Variants in ADAMTSL3 observed in about 807,000 individuals in gnomAD.
ADAMTSL3 encodes the protein ADAMTS-like protein 3.
A neutral mutation model predicts 201.7 loss-of-function variants in ADAMTSL3; 128 were observed. That is an observed-to-expected ratio of 0.63 (90% CI 0.55 to 0.73). The LOEUF is 0.73. Ranked by LOEUF, ADAMTSL3 falls within the 30% of genes least tolerant of loss-of-function variation. The probability of loss-of-function intolerance (pLI) is 0.00; values close to 1 mark genes in which losing one functional copy is unlikely to be tolerated. For missense variants in ADAMTSL3, 1,990 were observed against 2,119.6 expected (o/e 0.94, Z 1.20); for synonymous variants, 738 against 748.4 (o/e 0.99, Z 0.23).
chr15:83,865,863 A>G (rs1340185911), intron 8 of ADAMTSL3, among the ~76,000 whole-genome samples: 3 of 152,224 alleles, frequency 2.0e-5, no homozygotes, highest in Non-Finnish European at 2.9e-5. Context: ...CAATCTACTC[A>G]TCTGACAAAG....
At chr15:83,950,681 A>G (rs2066740623) in intron 19 of ADAMTSL3, among the ~76,000 whole-genome samples, 1 of 151,948 alleles carries the variant, frequency 6.6e-6, no homozygotes, top group African/African-American at 2.4e-5. Context: ...AATTTCTTTC[A>G]TCAATGTTTT....
At chr15:83,957,721 G>T (rs901141791) in intron 19 of ADAMTSL3, among the ~76,000 whole-genome samples, 12 of 152,064 alleles carry the variant, frequency 7.9e-5, no homozygotes, top group Admixed American at 7.2e-4. Context: ...GAGAAAAATG[G>T]CTTATTTTAG....
intron 3 of ADAMTSL3, among the ~76,000 whole-genome samples, chr15:83,752,069 A>G (rs2062644916): frequency 6.6e-6 from 1 of 152,226 alleles, no homozygotes; most frequent in African/African-American, 2.4e-5. Flanking sequence ...TACTGATGCA[A>G]TTGAAGAAAA....
At chr15:83,952,887 T>C (rs933451973) in intron 19 of ADAMTSL3, among the ~76,000 whole-genome samples, 1 of 152,206 alleles carries the variant, frequency 6.6e-6, no homozygotes, top group Non-Finnish European at 1.5e-5. Context: ...TGACATTCTT[T>C]GCCTGTTCTT....
intron 2 of ADAMTSL3, 134 bp downstream of exon 2, chr15:83,655,964 C>T: frequency 1.0e-6 from 1 of 954,044 alleles, no homozygotes; most frequent in South Asian, 1.6e-5. Context: ...TCTTTCCTAT[C>T]TCTAGCCAAT....
chr15:83,962,736 A>G (rs1017706596), intron 19 of ADAMTSL3, among the ~76,000 whole-genome samples: 8 of 152,240 alleles, frequency 5.3e-5, no homozygotes, highest in African/African-American at 1.9e-4. Flanking sequence ...CAAGATGGCC[A>G]AATAGGAACA....
intron 3 of ADAMTSL3, among the ~76,000 whole-genome samples, chr15:83,754,173 A>G (rs755020460): frequency 2.6e-5 from 4 of 152,230 alleles, no homozygotes; most frequent in Non-Finnish European, 5.9e-5. Context: ...TGCAACAACC[A>G]TAAATGTCTC....
At chr15:83,763,356 T>C (rs1373754990) in intron 3 of ADAMTSL3, among the ~76,000 whole-genome samples, 1 of 152,104 alleles carries the variant, frequency 6.6e-6, no homozygotes, top group Non-Finnish European at 1.5e-5. Context: ...GTTTTAATTA[T>C]TGCCATGCTG....
chr15:83,813,562 G>A (rs919132266), intron 5 of ADAMTSL3, among the ~76,000 whole-genome samples: 2 of 152,194 alleles, frequency 1.3e-5, no homozygotes, highest in East Asian at 1.9e-4. Context: ...TCAAATGGCA[G>A]GAGCGGAAGA....
chr15:83,722,518 C>T (rs1233144335), intron 3 of ADAMTSL3, among the ~76,000 whole-genome samples: 1 of 152,104 alleles, frequency 6.6e-6, no homozygotes, highest in Non-Finnish European at 1.5e-5. Flanking sequence ...AATTATGATA[C>T]AGAAATTGTT....
chr15:83,873,867 GCATT>G (rs2065127813), intron 9 of ADAMTSL3, among the ~76,000 whole-genome samples: 1 of 145,724 alleles, frequency 6.9e-6, no homozygotes. Flanking sequence ...GCAAGAGAAA[GCATT>G]CATGCTCATC....
rs151065696 is a variant in ADAMTSL3, at chr15:83,775,477, A to G, written c.317+1827A>G. Among the ~76,000 whole-genome samples the G allele has an allele frequency of 5.8e-3, 884 of 152,170 alleles. 6 individuals carry two copies. Among genetic ancestry groups the G allele is most frequent in the African/African-American group, 0.017 (719 of 41,522 alleles). On this transcript the variant is annotated intron_variant, in intron 4 of 29. Transcript: ENST00000286744. ...CGCATATTTATTTATTATTTGGTTC[A>G]TTTTTAAAATTTCTTTGATTTTGCT...
At position 83,983,019 on chromosome 15, in the gene ADAMTSL3, G is replaced by A. The variant is rs141700465; in HGVS notation, c.3391G>A (p.Ala1131Thr). The A allele has an allele frequency of 1.2e-5, 19 of 1,614,040 alleles. No homozygotes were observed. The highest frequency in any genetic ancestry group is 1.5e-5 in the Non-Finnish European group (18 of 1,180,046). ...TCAGCTGGTGGCCGAATTAGCCAAG[G>A]CACAGCCAACACACATGCAGTGGCG... ...IYQLVAELAK[A>T]QPTHMQWRGI... Residue 1131 changes from alanine (A) to threonine (T), a missense_variant, in exon 21 of 30, where the codon GCA (alanine) becomes ACA (threonine). Transcript: ENST00000286744.
At chr15:84,003,413 G>C (rs1336641833) in intron 23 of ADAMTSL3, among the ~76,000 whole-genome samples, 2 of 152,140 alleles carry the variant, frequency 1.3e-5, no homozygotes, top group African/African-American at 4.8e-5. Flanking sequence ...ATCCTCCTCT[G>C]CTCTTGGACA....
chr15:84,031,933 G>C (rs1288826489), intron 28 of ADAMTSL3, among the ~76,000 whole-genome samples: 2 of 152,148 alleles, frequency 1.3e-5, no homozygotes, highest in African/African-American at 2.4e-5. Flanking sequence ...TTTTATAAAA[G>C]TCTGAGCTGG....
In ADAMTSL3 at chr15:83,918,202, C is replaced by A. The variant is rs1055494397; in HGVS notation, c.1987+4824C>A. Among the ~76,000 whole-genome samples, 4 of 152,134 alleles carry A rather than the reference C, an allele frequency of 2.6e-5. No homozygotes were observed. In the East Asian group the frequency reaches 7.7e-4, roughly 29 times the overall value. On this transcript the variant is annotated intron_variant, in intron 16 of 29. Transcript: ENST00000286744. Reference sequence around the variant, plus strand: ...TTGTAAATAATGTGGATAATGCCAACCTTGTTTTGGTCCTGGCAGTAGTAG... The same window carrying A: ...TTGTAAATAATGTGGATAATGCCAAACTTGTTTTGGTCCTGGCAGTAGTAG...
intron 3 of ADAMTSL3, among the ~76,000 whole-genome samples, chr15:83,709,361 A>G (rs2061900461): frequency 6.6e-6 from 1 of 152,162 alleles, no homozygotes; most frequent in Admixed American, 6.5e-5. Flanking sequence ...GCTAGAATGT[A>G]TTAGTTTGGG....
chr15:83,694,783 G>T (rs776442040), intron 2 of ADAMTSL3, among the ~76,000 whole-genome samples: 24 of 152,210 alleles, frequency 1.6e-4, no homozygotes, highest in Non-Finnish European at 2.5e-4. Flanking sequence ...GCTCTGCGGG[G>T]AGAGGGTCAA....
Position 83,885,104 on chromosome 15 carries a change from A to G in ADAMTSL3, c.964A>G (p.Arg322Gly), listed in dbSNP as rs1452295634. Residue 322 changes from arginine (R) to glycine (G), a missense_variant, in exon 10 of 30, where the codon AGG (arginine) becomes GGG (glycine). Transcript: ENST00000286744. ...TCTCACAGTTCTCTTTGTCCAGACC[A>G]GGTACACTGCAGCCAAAGACAGCGT... ...PLMADFIFKTRYTAAKDSVVQ... is the reference protein window; with the variant it reads ...PLMADFIFKTGYTAAKDSVVQ... 6.2e-7 allele frequency: 1 copy of G among 1,611,938 alleles called. No individual in the cohort carries two copies. The highest frequency in any genetic ancestry group is 8.5e-7 in the Non-Finnish European group (1 of 1,178,098).
Sources: allele counts gnomAD v4.1 joint callset (sites outside exome capture counted in the v4.1 genomes callset), GRCh38; gene constraint gnomAD v4.1.1; transcripts MANE v1.5; gene names NCBI Gene and HGNC (gene_info 2026-07-23, HGNC 2026-07-21).